The following TTL variants were observed in gnomAD, a reference collection of about 807,000 sequenced individuals.
TTL encodes tubulin tyrosine ligase.
TTL carries 10 observed loss-of-function variants against 41.1 expected under a neutral mutation model. That is an observed-to-expected ratio of 0.24 (90% CI 0.15 to 0.41). The LOEUF (loss-of-function observed/expected upper bound fraction) is 0.41, where lower values mean the gene tolerates loss of function less well. Among genes scored for constraint, TTL ranks in the 10% least tolerant of loss-of-function variants. TTL has a pLI of 1.00. For synonymous variants in TTL, 175 were observed against 175.5 expected, an observed-to-expected ratio of 1.00 and a Z score of 0.02; for missense variants, 367 against 460.4, an observed-to-expected ratio of 0.80 and a Z score of 1.86.
rs577334898 is a variant in TTL, at chr2:112,526,024, T to A, written c.1020-2657T>A. 3.0e-4 allele frequency among the ~76,000 whole-genome samples: 45 copies of A among 151,560 alleles called. 1 individual carries two copies. The highest frequency in any genetic ancestry group is 1.1e-3 in the African/African-American group (43 of 40,826). ...TTGTTGAATTTTGTCAAAGGCCTTTTCTGCATCTATTGAGATAATCATGTG... is the reference window on the plus strand; with the variant it reads ...TTGTTGAATTTTGTCAAAGGCCTTTACTGCATCTATTGAGATAATCATGTG... On this transcript the variant is annotated intron_variant, in intron 6 of 6. Transcript: ENST00000233336.
At chr2:112,500,705 T>C (rs1300339932) in intron 3 of TTL, among the ~76,000 whole-genome samples, 1 of 152,298 alleles carries the variant, frequency 6.6e-6, no homozygotes, top group Admixed American at 6.5e-5. Context: ...TACTTCAAGC[T>C]ATTAAAAAGG....
intron 2 of TTL, among the ~76,000 whole-genome samples, chr2:112,489,014 G>A (rs974788203): frequency 7.2e-5 from 11 of 152,082 alleles, no homozygotes; most frequent in Non-Finnish European, 1.6e-4. Context: ...TTGGGCCCAG[G>A]AGGTGGAGAT....
At chr2:112,496,675 G>GTGTGTC (rs1173869264) in intron 3 of TTL, among the ~76,000 whole-genome samples, 3 of 115,942 alleles carry the variant, frequency 2.6e-5, no homozygotes, top group African/African-American at 9.2e-5. Context: ...CTGTGTGTGT[G>GTGTGTC]TGTGTGTGTG....
chr2:112,509,872 G>T (rs1041111484), intron 5 of TTL, among the ~76,000 whole-genome samples: 1 of 152,196 alleles, frequency 6.6e-6, no homozygotes, highest in African/African-American at 2.4e-5. Context: ...GACTTCAGGT[G>T]ATCTACCCCC....
At chr2:112,503,621 CAG>C (rs1559015024) in intron 5 of TTL, among the ~76,000 whole-genome samples, 1 of 144,722 alleles carries the variant, frequency 6.9e-6, no homozygotes, top group Non-Finnish European at 1.5e-5. Flanking sequence ...TTAGTAGAGA[CAG>C]GGTTTCTCCA....
chr2:112,500,422 T>C (rs1681658008), intron 3 of TTL, among the ~76,000 whole-genome samples: 1 of 151,956 alleles, frequency 6.6e-6, no homozygotes, highest in Non-Finnish European at 1.5e-5. Context: ...AATACAAAAA[T>C]TAGCCAGGCA....
intron 6 of TTL, 138 bp downstream of exon 6, chr2:112,520,563 A>C: frequency 1.6e-6 from 2 of 1,212,848 alleles, no homozygotes; most frequent in Admixed American, 2.4e-5. Context: ...GGAGGACTCT[A>C]TCTGGCAGGG....
In TTL at chr2:112,532,509, G is replaced by T. The variant is rs774786156; in HGVS notation, c.*3714G>T. ...AATTAGCCGGGCATGGTGGCATGTGGTGGTGGCTGAGGTGGGAGGATCGCT... is the reference window on the plus strand; with the variant it reads ...AATTAGCCGGGCATGGTGGCATGTGTTGGTGGCTGAGGTGGGAGGATCGCT... On this transcript the variant is annotated 3_prime_UTR_variant, in exon 7 of 7. Coordinates refer to ENST00000233336, the MANE Select transcript of TTL (RefSeq NM_153712.5). The T allele has an allele frequency of 9.3e-6, 2 of 214,498 alleles. No homozygotes were observed. The highest frequency in any genetic ancestry group is 1.9e-5 in the Non-Finnish European group (2 of 106,250). The allele number at this position is 214,498 out of a possible 1,614,324, so 13.3% of individuals were successfully genotyped here.
chr2:112,514,157 G>A (rs1244703631), intron 5 of TTL, among the ~76,000 whole-genome samples: 1 of 152,080 alleles, frequency 6.6e-6, no homozygotes, highest in East Asian at 1.9e-4. Context: ...GCCGAGGTGG[G>A]CCGATCACTT....
intron 5 of TTL, among the ~76,000 whole-genome samples, chr2:112,515,461 A>G (rs375486410): frequency 6.7e-6 from 1 of 150,278 alleles, no homozygotes; most frequent in Non-Finnish European, 1.5e-5. Context: ...TGGAAGTAGT[A>G]TTTTAGCATT....
intron 6 of TTL, among the ~76,000 whole-genome samples, chr2:112,523,063 C>T (rs1306704316): frequency 1.3e-5 from 2 of 152,158 alleles, no homozygotes; most frequent in African/African-American, 2.4e-5. Flanking sequence ...GCTGCCTTAC[C>T]CACCTCTCCA....
intron 6 of TTL, among the ~76,000 whole-genome samples, chr2:112,526,421 C>A (rs1287571777): frequency 2.6e-5 from 4 of 152,070 alleles, no homozygotes; most frequent in African/African-American, 9.7e-5. Flanking sequence ...TGGTCCTGGA[C>A]TTTTTTTGGT....
At position 112,539,751 on chromosome 2, in the gene TTL, A is replaced by G. The variant is rs1487862902; in HGVS notation, c.*10956A>G. 1 of 152,256 alleles carries G rather than the reference A, an allele frequency of 6.6e-6. No homozygotes were observed. Among genetic ancestry groups the G allele is most frequent in the African/African-American group, 2.4e-5 (1 of 41,468 alleles). The allele number at this position is 152,256 out of a possible 1,614,324, so 9.4% of individuals were successfully genotyped here. Reference sequence around the variant, plus strand: ...GAGAAGTATGATGATCTCTCTTTGCAGACGACAAGATACCATATAGAAAAA... The same window carrying G: ...GAGAAGTATGATGATCTCTCTTTGCGGACGACAAGATACCATATAGAAAAA... On this transcript the variant is annotated 3_prime_UTR_variant, in exon 7 of 7. Transcript: ENST00000233336.
At chr2:112,483,340 G>T (rs11891971) in intron 1 of TTL, 2 of 152,104 alleles carry the variant, frequency 1.3e-5, no homozygotes, top group South Asian at 4.2e-4. Context: ...AAGTTGCCCA[G>T]ATCGGTTCAA....
intron 5 of TTL, among the ~76,000 whole-genome samples, chr2:112,513,215 G>C (rs12469608): frequency 6.6e-6 from 1 of 151,836 alleles, no homozygotes; most frequent in Non-Finnish European, 1.5e-5. Context: ...AGATTATCAG[G>C]TTGGATTATT....
At chr2:112,521,952 C>T (rs1682246103) in intron 6 of TTL, among the ~76,000 whole-genome samples, 1 of 152,168 alleles carries the variant, frequency 6.6e-6, no homozygotes, top group African/African-American at 2.4e-5. Flanking sequence ...CACCTTCCCT[C>T]ACCAAATCAA....
intron 5 of TTL, among the ~76,000 whole-genome samples, chr2:112,511,264 C>A (rs1388248941): frequency 6.6e-6 from 1 of 151,812 alleles, no homozygotes; most frequent in East Asian, 1.9e-4. Context: ...CCATCTTGGC[C>A]TCTCAAAGTG....
intron 4 of TTL, among the ~76,000 whole-genome samples, chr2:112,502,458 G>A (rs1681728674): frequency 6.6e-6 from 1 of 151,940 alleles, no homozygotes; most frequent in South Asian, 2.1e-4. Context: ...CTAACATGGT[G>A]AAACCCTGTC....
intron 3 of TTL, among the ~76,000 whole-genome samples, chr2:112,497,868 A>G (rs1681577815): frequency 6.6e-6 from 1 of 152,242 alleles, no homozygotes; most frequent in African/African-American, 2.4e-5. Flanking sequence ...TGAAACCACA[A>G]CGAACTGTCA....
Sources: gnomAD v4.1 joint callset for allele counts (sites outside exome capture counted in the v4.1 genomes callset) on GRCh38, gnomAD v4.1.1 for gene constraint, MANE v1.5 for transcripts, NCBI Gene and HGNC (gene_info 2026-07-23, HGNC 2026-07-21) for gene names.